Variants in WDR64 observed in about 807,000 individuals in gnomAD.
WDR64 encodes WD repeat domain 64.
Under a neutral mutation model 139.3 loss-of-function variants are expected in WDR64, and 112 were observed. The observed-to-expected ratio is 0.80, with a 90% CI of 0.69 to 0.94. WDR64 has a LOEUF of 0.94. WDR64 is among the 40% of genes least tolerant of loss of function. The probability of loss-of-function intolerance (pLI) is 0.00; values close to 1 mark genes in which losing one functional copy is unlikely to be tolerated. For missense variants in WDR64, 1,206 were observed against 1,293.1 expected, an observed-to-expected ratio of 0.93 and a Z score of 1.03; for synonymous variants, 444 against 437.7, an observed-to-expected ratio of 1.01 and a Z score of -0.18.
chr1:241,780,448 A>T (rs1305066843), intron 22 of WDR64, among the ~76,000 whole-genome samples: 1 of 152,240 alleles, frequency 6.6e-6, no homozygotes, highest in Non-Finnish European at 1.5e-5. Context: ...GAACCATTTA[A>T]GAATTTTTTT....
chr1:241,658,284 G>GGTGTGTGTGT (rs56011225), intron 1 of WDR64, among the ~76,000 whole-genome samples: 5,065 of 147,212 alleles, frequency 0.034, 151 homozygotes, highest in African/African-American at 0.073. Flanking sequence ...TTCAAGCAAT[G>GGTGTGTGTGT]GTGTGTGTGT....
intron 21 of WDR64, among the ~76,000 whole-genome samples, chr1:241,779,541 A>G (rs1319744674): frequency 9.9e-5 from 15 of 152,188 alleles, no homozygotes; most frequent in Non-Finnish European, 2.9e-5. Context: ...AAAAATGAAT[A>G]TGGGCCAGGT....
Position 241,738,468 on chromosome 1 carries a change from A to C in WDR64, c.1300A>C (p.Asn434His). The C allele has an allele frequency of 6.2e-7, 1 of 1,612,520 alleles. No individual in the cohort carries two copies. The highest frequency in any genetic ancestry group is 8.5e-7 in the Non-Finnish European group (1 of 1,179,450). ...GATTTACTCTATGATATATGATGCC[A>C]ATCATGGCATGCTTATTACGGGTAA... ...MQIYSMIYDA[N>H]HGMLITGSSV... Residue 434 changes from asparagine to histidine, a missense_variant, in exon 11 of 28, where the codon AAT (asparagine) becomes CAT (histidine). Transcript: ENST00000437684.
At chr1:241,662,561 A>C (rs1665870699) in intron 2 of WDR64, among the ~76,000 whole-genome samples, 1 of 152,222 alleles carries the variant, frequency 6.6e-6, no homozygotes, top group Non-Finnish European at 1.5e-5. Context: ...TGATAAGAGG[A>C]AATTTTATAT....
chr1:241,694,142 A>G (rs1451051456), intron 8 of WDR64, among the ~76,000 whole-genome samples: 6 of 152,172 alleles, frequency 3.9e-5, no homozygotes, highest in Non-Finnish European at 8.8e-5. Flanking sequence ...TAGCCTCTGC[A>G]TATACAGACT....
At chr1:241,783,947 T>C (rs1056879786) in intron 23 of WDR64, among the ~76,000 whole-genome samples, 1 of 152,240 alleles carries the variant, frequency 6.6e-6, no homozygotes, top group Non-Finnish European at 1.5e-5. Flanking sequence ...TTGAAATGTC[T>C]TAAAATCATG....
intron 17 of WDR64, chr1:241,770,394 G>C (rs1658383396): frequency 2.4e-6 from 1 of 410,326 alleles, no homozygotes; most frequent in African/African-American, 2.1e-5. Flanking sequence ...TTCTGACAAA[G>C]GGAGCAATAA....
chr1:241,753,889 T>C (rs1670073009), intron 14 of WDR64, among the ~76,000 whole-genome samples: 1 of 152,080 alleles, frequency 6.6e-6, no homozygotes, highest in Non-Finnish European at 1.5e-5. Context: ...CATCCACAGA[T>C]GGGATATGGC....
At chr1:241,685,046 C>T (rs968236538) in intron 7 of WDR64, among the ~76,000 whole-genome samples, 8 of 151,870 alleles carry the variant, frequency 5.3e-5, no homozygotes, top group Admixed American at 1.3e-4. Flanking sequence ...CTTGAGCCAC[C>T]GTGCCTGGCC....
chr1:241,773,009 T>C, intron 20 of WDR64, 78 bp downstream of exon 20: 1 of 1,403,878 alleles, frequency 7.1e-7, no homozygotes, highest in Non-Finnish European at 9.4e-7. Context: ...CTTAGTGTTC[T>C]TCCATATGGC....
intron 8 of WDR64, among the ~76,000 whole-genome samples, chr1:241,687,897 T>TTTTATAA (rs1426344881): frequency 1.3e-5 from 2 of 152,208 alleles, no homozygotes; most frequent in Non-Finnish European, 2.9e-5. Context: ...GTTGGTAAAA[T>TTTTATAA]TTTATAATTT....
At position 241,757,470 on chromosome 1, in the gene WDR64, T is replaced by C. The variant is rs1670242942; in HGVS notation, c.1947+11T>C. On this transcript the variant is annotated intron_variant, in intron 15 of 27. Transcript: ENST00000437684. ...TCTCAACCTACTGATGTAAGTTTCC[T>C]CTCTTGGTTTCTTTTTAACTTTTGC... 1 of 1,589,384 alleles carries C rather than the reference T, an allele frequency of 6.3e-7. No individual in the cohort carries two copies.
At chr1:241,741,789 A>G in intron 12 of WDR64, 125 bp downstream of exon 12, 1 of 1,041,302 alleles carries the variant, frequency 9.6e-7, no homozygotes, top group South Asian at 2.3e-5. Flanking sequence ...ATACATTAGA[A>G]TGATTTTTAA....
rs1276700339 is a variant in WDR64, at chr1:241,703,318, G to C, written c.975-8484G>C. On this transcript the variant is annotated intron_variant, in intron 8 of 27. Coordinates refer to ENST00000437684, the MANE Select transcript of WDR64 (RefSeq NM_001367482.1). This position sits in a 1 kb window ranked among gnomAD's most constrained non-coding sequence, Gnocchi z 5.9. ...GTGTAACACATGCCCCCTGAAAAAA[G>C]TCACCCCTTTACCTTCTACCTGATG... Among the ~76,000 whole-genome samples the C allele has an allele frequency of 6.6e-6, 1 of 151,984 alleles. No individual in the cohort carries two copies. Among genetic ancestry groups the C allele is most frequent in the East Asian group, 1.9e-4 (1 of 5,182 alleles).
rs1479902390 is a variant in WDR64 at position 241,683,610 on chromosome 1, T to C, written c.748T>C (p.Phe250Leu). The C allele has an allele frequency of 6.4e-7, 1 of 1,551,668 alleles. No individual in the cohort carries two copies. The highest frequency in any genetic ancestry group is 1.2e-5 in the South Asian group (1 of 84,044). ...LGDDGGFVNR[F>L]TVNSDDFGIK... ...GGATGATGGGGGTTTTGTGAACAGA[T>C]TCACAGTCAACAGTGATGACTTTGG... The change falls in exon 7 of 28, where the codon TTC becomes CTC. Residue 250 changes from phenylalanine (F) to leucine (L), a missense_variant. Physicochemically the swap from Phe to Leu is conservative, Grantham distance 22. Transcript: ENST00000437684.
intron 7 of WDR64, among the ~76,000 whole-genome samples, chr1:241,686,610 T>G (rs1207327544): frequency 1.3e-5 from 2 of 152,190 alleles, no homozygotes; most frequent in Non-Finnish European, 2.9e-5. Flanking sequence ...TATAACACCA[T>G]GAAGACAGAA....
intron 2 of WDR64, among the ~76,000 whole-genome samples, chr1:241,668,864 C>T (rs182762126): frequency 6.6e-6 from 1 of 151,412 alleles, no homozygotes; most frequent in African/African-American, 2.4e-5. Flanking sequence ...CACACCACTG[C>T]ACTCCAGCCT....
Position 241,683,710 on chromosome 1 carries a change from A to T in WDR64, c.839+9A>T, listed in dbSNP as rs1666905355. The T allele has an allele frequency of 1.2e-5, 18 of 1,507,880 alleles. No homozygotes were observed. The highest frequency in any genetic ancestry group is 1.5e-5 in the Non-Finnish European group (17 of 1,121,634). The allele number at this position is 1,507,880 out of a possible 1,614,324, so 93.4% of individuals were successfully genotyped here. A position where few individuals can be genotyped will look rare whatever the true frequency, so the allele number is the denominator to read the frequency against. On this transcript the variant is annotated intron_variant, in intron 7 of 27. Transcript: ENST00000437684. ...TCAAAGAACTTTAAAAGGTAAGAGT[A>T]TCATACAGTTAATTTAATTCTTTTA... is the stretch of plus-strand genomic sequence containing the variant.
intron 25 of WDR64, 40 bp from the exon 26 acceptor site, chr1:241,795,167 T>C (rs775293609): frequency 6.4e-7 from 1 of 1,572,156 alleles, no homozygotes; most frequent in Non-Finnish European, 8.7e-7. Flanking sequence ...AGTGATAGGA[T>C]GTGCCCCTTT....
Sources: allele counts gnomAD v4.1 joint callset (sites outside exome capture counted in the v4.1 genomes callset), GRCh38; gene constraint gnomAD v4.1.1; non-coding constraint Gnocchi (gnomAD v3.1); transcripts MANE v1.5; gene names NCBI Gene and HGNC (gene_info 2026-07-23, HGNC 2026-07-21).